The following MAP3K13 variants were observed in gnomAD, a reference collection of about 807,000 sequenced individuals.
MAP3K13 encodes leucine zipper-bearing kinase.
In MAP3K13, 52 loss-of-function variants were observed where a neutral mutation model predicts 104.0. The ratio of observed to expected loss-of-function variants is 0.50; its 90% confidence interval spans 0.40 to 0.63. The LOEUF (loss-of-function observed/expected upper bound fraction) is 0.63, where lower values mean the gene tolerates loss of function less well. Among genes scored for constraint, MAP3K13 ranks in the 20% least tolerant of loss-of-function variants. The pLI is 0.00. For synonymous variants in MAP3K13, 394 were observed against 442.2 expected (o/e 0.89, Z 1.37); for missense variants, 914 against 1,218.5 (o/e 0.75, Z 3.72).
intron 4 of MAP3K13, among the ~76,000 whole-genome samples, chr3:185,443,951 T>C (rs375285712): frequency 3.3e-5 from 5 of 152,244 alleles, no homozygotes; most frequent in African/African-American, 7.2e-5. Flanking sequence ...ACCTTCCCGC[T>C]AGAAGGCTTG....
At chr3:185,472,892 T>G in intron 10 of MAP3K13, 83 bp from the exon 11 acceptor site, 1 of 1,252,206 alleles carries the variant, frequency 8.0e-7, no homozygotes. Context: ...AAAGGCTCTG[T>G]GTATTTTAAG....
chr3:185,341,038 AC>A (rs1722702533), intron 2 of MAP3K13, among the ~76,000 whole-genome samples: 1 of 10,088 alleles, frequency 9.9e-5, no homozygotes, highest in Non-Finnish European at 5.3e-4. Context: ...AAATAAAGTT[AC>A]ATTCTGAGAT....
intron 2 of MAP3K13, among the ~76,000 whole-genome samples, chr3:185,311,238 A>T (rs1047820599): frequency 6.6e-6 from 1 of 152,160 alleles, no homozygotes; most frequent in Non-Finnish European, 1.5e-5. Context: ...GTTTAATTGG[A>T]CTTACAGTTC....
chr3:185,301,286 G>A (rs959078771), intron 2 of MAP3K13, among the ~76,000 whole-genome samples: 1 of 150,116 alleles, frequency 6.7e-6, no homozygotes, highest in Admixed American at 6.7e-5. Context: ...AGAAATGTCT[G>A]TCAAGTTCTT....
intron 1 of MAP3K13, among the ~76,000 whole-genome samples, chr3:185,424,972 G>C (rs1187296820): frequency 2.6e-5 from 4 of 152,124 alleles, no homozygotes; most frequent in South Asian, 2.1e-4. Context: ...GACACTACAG[G>C]CGTATGCCAC....
At chr3:185,333,275 T>C (rs1011426875) in intron 2 of MAP3K13, among the ~76,000 whole-genome samples, 6 of 152,204 alleles carry the variant, frequency 3.9e-5, no homozygotes, top group African/African-American at 1.4e-4. Context: ...GACAAGTTAC[T>C]GAACCTTTCT....
intron 3 of MAP3K13, among the ~76,000 whole-genome samples, chr3:185,438,414 C>A (rs866480407): frequency 6.6e-6 from 1 of 152,154 alleles, no homozygotes; most frequent in African/African-American, 2.4e-5. Context: ...CTGTTAGCAT[C>A]CCTTCTTAAA....
chr3:185,467,968 A>G (rs61520445), intron 10 of MAP3K13, among the ~76,000 whole-genome samples: 72,602 of 151,764 alleles, frequency 0.48, 17,617 homozygotes, highest in Middle Eastern at 0.54. Flanking sequence ...CATGGCTGGA[A>G]TAGGAGGAAG....
chr3:185,474,284 C>A (rs1478460013), intron 11 of MAP3K13, among the ~76,000 whole-genome samples: 3 of 152,192 alleles, frequency 2.0e-5, no homozygotes, highest in Admixed American at 2.0e-4. Flanking sequence ...CGAGATCACA[C>A]CACTGCACTC....
chr3:185,468,924 G>T (rs1717616669), intron 10 of MAP3K13, among the ~76,000 whole-genome samples: 1 of 152,204 alleles, frequency 6.6e-6, no homozygotes, highest in African/African-American at 2.4e-5. Flanking sequence ...GGAGAAAATA[G>T]AACTATTTAG....
At chr3:185,463,254 C>T (rs563026961) in intron 7 of MAP3K13, among the ~76,000 whole-genome samples, 171 of 152,240 alleles carry the variant, frequency 1.1e-3, no homozygotes, top group African/African-American at 4.0e-3. Flanking sequence ...CTCTTTTATT[C>T]CAAAAGTGAT....
At chr3:185,368,959 C>CAAAAAAA (rs34049814) in intron 1 of MAP3K13, among the ~76,000 whole-genome samples, 1 of 139,524 alleles carries the variant, frequency 7.2e-6, no homozygotes, top group Non-Finnish European at 1.5e-5. Context: ...AACTCCATCT[C>CAAAAAAA]AAAAAAAAAA....
In MAP3K13 at chr3:185,486,721, T is replaced by C. The variant is rs79001688; in HGVS notation, c.*4265T>C. 223 of 152,340 alleles carry C rather than the reference T, an allele frequency of 1.5e-3. No homozygotes were observed. The highest frequency in any genetic ancestry group is 5.1e-3 in the African/African-American group (210 of 41,570). 9.4% of individuals were successfully genotyped at this position (152,340 alleles called of 1,614,324 possible). On this transcript the variant is annotated 3_prime_UTR_variant, in exon 14 of 14. Transcript: ENST00000265026. ...CTGTTTTTAACTGACTGCAAGATGA[T>C]GAGTTTTAATTTGGGTTGCAGATGA...
At chr3:185,477,150 G>A in intron 11 of MAP3K13, 176 bp from the exon 12 acceptor site, 2 of 693,194 alleles carry the variant, frequency 2.9e-6, no homozygotes, top group Non-Finnish European at 5.3e-6. Flanking sequence ...TAGGTACCCT[G>A]GAAAAGTTAC....
At chr3:185,430,800 G>A (rs1011541564) in intron 2 of MAP3K13, among the ~76,000 whole-genome samples, 27 of 152,140 alleles carry the variant, frequency 1.8e-4, no homozygotes, top group African/African-American at 6.5e-4. Context: ...TATTAGGTTA[G>A]TCTATTTGTG....
Position 185,423,747 on chromosome 3 carries a change from T to C in MAP3K13, c.-85-4750T>C, listed in dbSNP as rs79333604. 9.1e-3 allele frequency among the ~76,000 whole-genome samples: 1,387 copies of C among 152,316 alleles called. 30 individuals carry two copies. Among genetic ancestry groups the C allele is most frequent in the African/African-American group, 0.031 (1,303 of 41,578 alleles). On this transcript the variant is annotated intron_variant, in intron 1 of 13. Transcript: ENST00000265026. This position sits in a 1 kb window ranked among gnomAD's most constrained non-coding sequence, Gnocchi z 4.1. ...TAGGAGGGAAGAATCACCTGCACTG[T>C]ATCGTAAGCTTTCAGAGCCCACGTG...
Position 185,480,131 on chromosome 3 carries a change from G to A in MAP3K13, c.2502-101G>A, listed in dbSNP as rs550389789. 6.6e-5 allele frequency: 78 copies of A among 1,177,924 alleles called. 1 individual carries two copies. The South Asian group carries it at 1.1e-3, about 17-fold the overall frequency. 73.0% of individuals were successfully genotyped at this position (1,177,924 alleles called of 1,614,324 possible). A position where few individuals can be genotyped will look rare whatever the true frequency, so the allele number is the denominator to read the frequency against. ...ATTTCTTAGGCCTCCTTGATGGCAG[G>A]GAAAAAACTAGATTATCTCTACCAC... On this transcript the variant is annotated intron_variant, in intron 12 of 13. Coordinates refer to ENST00000265026, the MANE Select transcript of MAP3K13 (RefSeq NM_004721.5).
At chr3:185,451,651 G>C (rs1057287786) in intron 7 of MAP3K13, 5 of 314,770 alleles carry the variant, frequency 1.6e-5, no homozygotes, top group African/African-American at 8.6e-5. Flanking sequence ...CAGATCACCT[G>C]AGGCCAGGAA....
chr3:185,331,421 G>T (rs1288984821), intron 2 of MAP3K13, among the ~76,000 whole-genome samples: 1 of 151,594 alleles, frequency 6.6e-6, no homozygotes, highest in Non-Finnish European at 1.5e-5. Context: ...TTTTTTTTAA[G>T]TAGCCACCTG....
Sources: gnomAD v4.1 joint callset for allele counts (sites outside exome capture counted in the v4.1 genomes callset) on GRCh38, gnomAD v4.1.1 for gene constraint, Gnocchi (gnomAD v3.1) non-coding constraint, MANE v1.5 for transcripts, NCBI Gene and HGNC (gene_info 2026-07-23, HGNC 2026-07-21) for gene names.